ASXL2: variants seen among roughly 807,000 people sequenced by gnomAD.
ASXL2 encodes putative Polycomb group protein ASXL2.
In ASXL2, 23 loss-of-function variants were observed where a neutral mutation model predicts 122.0. That is an observed-to-expected ratio of 0.19 (90% confidence interval 0.14 to 0.27). ASXL2 has a LOEUF of 0.27. ASXL2 is among the 10% of genes least tolerant of loss of function. The pLI, the probability that ASXL2 is intolerant of heterozygous loss-of-function variation, is 1.00. For synonymous variants in ASXL2, 650 were observed against 637.0 expected (o/e 1.02, Z -0.31); for missense variants, 1,518 against 1,713.8 (o/e 0.89, Z 2.02).
intron 5 of ASXL2, among the ~76,000 whole-genome samples, chr2:25,796,114 G>C (rs1217948539): frequency 6.6e-6 from 1 of 152,214 alleles, no homozygotes; most frequent in Non-Finnish European, 1.5e-5. Context: ...GCAGAGAACA[G>C]ATGAGGCCAT....
intron 5 of ASXL2, among the ~76,000 whole-genome samples, chr2:25,797,257 C>T (rs958302440): frequency 2.6e-5 from 4 of 151,844 alleles, no homozygotes; most frequent in African/African-American, 9.7e-5. Context: ...CCAGCCTGGC[C>T]AACATGGTGA....
chr2:25,750,293 T>C lies in ASXL2; in HGVS notation c.1263A>G (p.Arg421=). Residue 421 remains arginine, a synonymous_variant, in exon 12 of 13, where the codon AGA becomes AGG. Transcript: ENST00000435504. The stretch of plus-strand genomic sequence containing the variant: ...CTGACTGGGAGACTACTGGAACTAT[T>C]CTGATAAGAGAGGCCTCTGACACAG... ...SMPVSEASLI[R]IVPVVSQSEC... is the part of the protein sequence containing the mutation. 6.2e-7 allele frequency: 1 copy of C among 1,614,024 alleles called. No individual in the cohort carries two copies.
chr2:25,786,528 C>T (rs2088749566), intron 5 of ASXL2, among the ~76,000 whole-genome samples: 3 of 151,998 alleles, frequency 2.0e-5, no homozygotes, highest in African/African-American at 7.2e-5. Flanking sequence ...CGTGAGCCAC[C>T]ACGCCCGGCC....
At chr2:25,853,838 A>G (rs2089746269) in intron 1 of ASXL2, among the ~76,000 whole-genome samples, 2 of 151,830 alleles carry the variant, frequency 1.3e-5, no homozygotes, top group African/African-American at 4.8e-5. Context: ...AGTGCCTATT[A>G]TATGACAGAT....
At chr2:25,840,033 A>C (rs1574442330) in intron 2 of ASXL2, among the ~76,000 whole-genome samples, 1 of 152,026 alleles carries the variant, frequency 6.6e-6, no homozygotes, top group East Asian at 1.9e-4. Flanking sequence ...GCCCAGCTTA[A>C]ACTATCTTTA....
Position 25,740,066 on chromosome 2 carries a change from CCTT to C in ASXL2, c.*1960_*1962del, listed in dbSNP as rs2087801528. 3 of 226,594 alleles carry C rather than the reference CCTT, an allele frequency of 1.3e-5. No individual in the cohort carries two copies. Among genetic ancestry groups the C allele is most frequent in the African/African-American group, 4.4e-5 (2 of 45,002 alleles). The allele number at this position is 226,594 out of a possible 1,614,324, so 14.0% of individuals were successfully genotyped here. A position where few individuals can be genotyped will look rare whatever the true frequency, so the allele number is the denominator to read the frequency against. On this transcript the variant is annotated 3_prime_UTR_variant, in exon 13 of 13. Transcript: ENST00000435504. Reference sequence around the variant, plus strand: ...TACTCCTTATCCCCAATCCTTGCAGCCTTCTTATCTCTTAGCTGTGTGTGCTGG... The same window carrying C: ...TACTCCTTATCCCCAATCCTTGCAGCCTTATCTCTTAGCTGTGTGTGCTGG...
At position 25,743,615 on chromosome 2, in the gene ASXL2, T is replaced by C; in HGVS notation, c.2722A>G (p.Thr908Ala). 2 of 1,614,014 alleles carry C rather than the reference T, an allele frequency of 1.2e-6. No individual in the cohort carries two copies. Among genetic ancestry groups the C allele is most frequent in the Admixed American group, 1.7e-5 (1 of 60,028 alleles). ...GGTGGAGCTGATCCAGCAGGTGCTG[T>C]AGTTGCACTGACCTGGGGTACAGGA... ...KLPVPQVSAT[T>A]APAGSAPPSS... is the part of the protein sequence containing the mutation. The change falls in exon 13 of 13, where the codon ACA becomes GCA. Residue 908 changes from threonine (T) to alanine (A), a missense_variant. By Grantham distance (58) the Thr-to-Ala change is moderately conservative. Transcript: ENST00000435504.
intron 2 of ASXL2, among the ~76,000 whole-genome samples, chr2:25,844,910 C>A (rs542610052): frequency 6.6e-6 from 1 of 152,250 alleles, no homozygotes; most frequent in South Asian, 2.1e-4. Context: ...CAGCTGCGAT[C>A]ACAAGCATGA....
chr2:25,802,857 G>A (rs1042533150), intron 4 of ASXL2, among the ~76,000 whole-genome samples: 1 of 152,190 alleles, frequency 6.6e-6, no homozygotes, highest in African/African-American at 2.4e-5. Context: ...ACGGCTGGGT[G>A]CGGTGGCTCA....
At chr2:25,755,941 G>A in intron 10 of ASXL2, 77 bp downstream of exon 10, 1 of 1,198,320 alleles carries the variant, frequency 8.3e-7, no homozygotes, top group Non-Finnish European at 1.2e-6. Flanking sequence ...TTCCAAAACT[G>A]CGTAATTACC....
At position 25,788,691 on chromosome 2, in the gene ASXL2, C is replaced by T. The variant is rs368591054; in HGVS notation, c.403+10694G>A. Among the ~76,000 whole-genome samples, 9 of 152,228 alleles carry T rather than the reference C, an allele frequency of 5.9e-5. No individual in the cohort carries two copies. The South Asian group carries it at 1.2e-3, about 21-fold the overall frequency. On this transcript the variant is annotated intron_variant, in intron 5 of 12. Transcript: ENST00000435504. Reference sequence around the variant, plus strand: ...TAAGTTGCCTTTCTGTGGTCACTAACGGAATTGGACTCCTTTTCATTATTA... The same window carrying T: ...TAAGTTGCCTTTCTGTGGTCACTAATGGAATTGGACTCCTTTTCATTATTA...
At chr2:25,821,815 T>C (rs7557327) in intron 3 of ASXL2, among the ~76,000 whole-genome samples, 10 of 152,260 alleles carry the variant, frequency 6.6e-5, no homozygotes, top group Admixed American at 1.3e-4. Context: ...GGGCAACTTA[T>C]GTCTCTCTGC....
chr2:25,767,523 T>G (rs2088372188), intron 8 of ASXL2, 60 bp downstream of exon 8: 1 of 1,556,652 alleles, frequency 6.4e-7, no homozygotes, highest in South Asian at 1.2e-5. Flanking sequence ...CTGATGAATT[T>G]CAAACATGTA....
chr2:25,841,250 T>G (rs759665586), intron 2 of ASXL2, among the ~76,000 whole-genome samples: 20 of 152,244 alleles, frequency 1.3e-4, no homozygotes, highest in Middle Eastern at 3.4e-3. Flanking sequence ...AAGCTGAGAT[T>G]GCACCACTGC....
At chr2:25,807,986 T>TAAACACACACACACACACACACACAC (rs368346154) in intron 3 of ASXL2, among the ~76,000 whole-genome samples, 19 of 131,728 alleles carry the variant, frequency 1.4e-4, no homozygotes, top group African/African-American at 4.0e-4. Context: ...AATCAGCTTT[T>TAAACACACACACACACACACACACAC]ACACACACAC....
chr2:25,767,575 A>G lies in ASXL2; in HGVS notation c.775+8T>C. ...AATGAAAACTGAAGTCTTTGTAAGC[A>G]AACTTACTGGTATGGAGTCTCTCAG... On this transcript the variant is annotated splice_region_variant and intron_variant, in intron 8 of 12. Transcript: ENST00000435504. 2.5e-6 allele frequency: 4 copies of G among 1,607,794 alleles called. No homozygotes were observed. The highest frequency in any genetic ancestry group is 3.4e-6 in the Non-Finnish European group (4 of 1,177,252).
intron 9 of ASXL2, among the ~76,000 whole-genome samples, chr2:25,758,233 A>C (rs2088174580): frequency 1.3e-5 from 2 of 152,206 alleles, no homozygotes; most frequent in African/African-American, 4.8e-5. Flanking sequence ...TCAGAATTAG[A>C]AAGATTTAGT....
intron 5 of ASXL2, among the ~76,000 whole-genome samples, chr2:25,776,423 T>C (rs985831966): frequency 1.3e-5 from 2 of 152,220 alleles, no homozygotes; most frequent in East Asian, 3.8e-4. Flanking sequence ...AACATTTGGA[T>C]TGTTTCTACT....
intron 3 of ASXL2, among the ~76,000 whole-genome samples, chr2:25,830,239 T>A (rs529574028): frequency 1.3e-5 from 2 of 152,190 alleles, no homozygotes; most frequent in African/African-American, 4.8e-5. Flanking sequence ...CCTAACATGA[T>A]AGCCAAAATA....
Sources: gnomAD v4.1 joint callset for allele counts (sites outside exome capture counted in the v4.1 genomes callset) on GRCh38, gnomAD v4.1.1 for gene constraint, MANE v1.5 for transcripts, NCBI Gene and HGNC (gene_info 2026-07-23, HGNC 2026-07-21) for gene names.